Variants in DIP2B observed in about 807,000 individuals in gnomAD.
DIP2B encodes the protein disco-interacting protein 2 homolog B.
Under a neutral mutation model 198.0 loss-of-function variants are expected in DIP2B, and 76 were observed. That is an observed-to-expected ratio of 0.38 (90% CI 0.32 to 0.46). The LOEUF (loss-of-function observed/expected upper bound fraction) is 0.46. Among genes scored for constraint, DIP2B ranks in the 20% least tolerant of loss-of-function variants. DIP2B has a pLI of 0.99. For synonymous variants in DIP2B, 701 were observed against 739.1 expected, an observed-to-expected ratio of 0.95 and a Z score of 0.84; for missense variants, 1,559 against 1,978.4, an observed-to-expected ratio of 0.79 and a Z score of 4.02.
chr12:50,685,562 ACT>A (rs1939117402), intron 10 of DIP2B, among the ~76,000 whole-genome samples: 1 of 152,116 alleles, frequency 6.6e-6, no homozygotes, highest in Non-Finnish European at 1.5e-5. Flanking sequence ...ATCATTGCTG[ACT>A]CTTGAATAAA....
intron 3 of DIP2B, among the ~76,000 whole-genome samples, chr12:50,658,275 T>C (rs1437011641): frequency 6.6e-6 from 1 of 152,032 alleles, no homozygotes; most frequent in Non-Finnish European, 1.5e-5. Context: ...TAGCTGGAAT[T>C]ACAGGTGCGT....
chr12:50,607,856 C>A (rs184896158), intron 1 of DIP2B, among the ~76,000 whole-genome samples: 4 of 152,150 alleles, frequency 2.6e-5, no homozygotes, highest in African/African-American at 9.7e-5. Flanking sequence ...TGCAGTGGCA[C>A]GATCTCGGCT....
intron 1 of DIP2B, among the ~76,000 whole-genome samples, chr12:50,531,994 G>A (rs576574986): frequency 6.6e-5 from 10 of 152,202 alleles, no homozygotes; most frequent in Non-Finnish European, 1.3e-4. Context: ...GGAATTGAAA[G>A]TCTAGAGTAG....
chr12:50,678,742 A>G lies in DIP2B; in HGVS notation c.980A>G (p.Glu327Gly). ...EGRQMTPVKG[E>G]PLGVICNWPP... ...CGGCAGATGACCCCTGTGAAAGGAG[A>G]GCCTTTAGGAGTCATCTGTAACTGG... The change falls in exon 8 of 38, where the codon GAG becomes GGG. Residue 327 changes from glutamate (E) to glycine (G), a missense_variant. Coordinates refer to ENST00000301180, the MANE Select transcript of DIP2B (RefSeq NM_173602.3). 1 of 1,614,166 alleles carries G rather than the reference A, an allele frequency of 6.2e-7. No individual in the cohort carries two copies. Among genetic ancestry groups the G allele is most frequent in the South Asian group, 1.1e-5 (1 of 91,064 alleles).
chr12:50,610,517 T>A (rs997246238), intron 1 of DIP2B, among the ~76,000 whole-genome samples: 12 of 151,910 alleles, frequency 7.9e-5, no homozygotes, highest in African/African-American at 2.7e-4. Context: ...TATCTTTTTT[T>A]TTTTGGAGAC....
chr12:50,604,367 A>G (rs1958964468), intron 1 of DIP2B, among the ~76,000 whole-genome samples: 2 of 152,192 alleles, frequency 1.3e-5, no homozygotes, highest in African/African-American at 2.4e-5. Context: ...TATGCATTAC[A>G]TGCACTGTGT....
At chr12:50,728,755 G>T in intron 30 of DIP2B, 77 bp downstream of exon 30, 1 of 1,530,562 alleles carries the variant, frequency 6.5e-7, no homozygotes, top group Admixed American at 1.9e-5. Flanking sequence ...CCTTCCCTTT[G>T]CTCCCTTAAT....
Position 50,716,958 on chromosome 12 carries a change from C to CTTTTTTTTTTTTTTT in DIP2B, c.2852-1742_2852-1728dup, listed in dbSNP as rs4026694. On this transcript the variant is annotated intron_variant, in intron 23 of 37. Transcript: ENST00000301180. Reference sequence around the variant, plus strand: ...CCTATCCTAGATTTACGAATTGTTGCTTTTTTTTTTTTTTTTTTTTTTTGA... The same window carrying CTTTTTTTTTTTTTTT: ...CCTATCCTAGATTTACGAATTGTTGCTTTTTTTTTTTTTTTTTTTTTTTTTTTTTTTTTTTTTTGA... 1.3e-3 allele frequency among the ~76,000 whole-genome samples: 76 copies of CTTTTTTTTTTTTTTT among 58,934 alleles called. 19 individuals are homozygous for CTTTTTTTTTTTTTTT. Among genetic ancestry groups the CTTTTTTTTTTTTTTT allele is most frequent in the African/African-American group, 3.0e-3 (49 of 16,234 alleles). The allele number at this position is 58,934 out of a possible 152,430, so 38.7% of individuals were successfully genotyped here.
intron 2 of DIP2B, among the ~76,000 whole-genome samples, chr12:50,636,658 CTG>C (rs1156815163): frequency 2.0e-5 from 3 of 152,220 alleles, no homozygotes; most frequent in Non-Finnish European, 4.4e-5. Flanking sequence ...CTGGTCCTCA[CTG>C]TGTGACCAGC....
At chr12:50,741,304 G>T in intron 36 of DIP2B, 112 bp from the exon 37 acceptor site, 1 of 1,336,608 alleles carries the variant, frequency 7.5e-7, no homozygotes, top group Non-Finnish European at 1.0e-6. Flanking sequence ...TTACACAGTT[G>T]GTAGGGGCAG....
intron 1 of DIP2B, among the ~76,000 whole-genome samples, chr12:50,518,419 T>C (rs1039454844): frequency 6.6e-6 from 1 of 152,120 alleles, no homozygotes; most frequent in Admixed American, 6.6e-5. Flanking sequence ...AGATGGACTT[T>C]CACCATGTTG....
At chr12:50,674,344 A>G (rs772213646) in intron 5 of DIP2B, 130 bp from the exon 6 acceptor site, 20 of 923,370 alleles carry the variant, frequency 2.2e-5, no homozygotes, top group African/African-American at 6.7e-5. Flanking sequence ...TGATTTTTAA[A>G]TGTTGTTTTA....
intron 22 of DIP2B, among the ~76,000 whole-genome samples, chr12:50,712,999 T>C (rs1939647287): frequency 6.6e-6 from 1 of 152,218 alleles, no homozygotes; most frequent in Non-Finnish European, 1.5e-5. Flanking sequence ...ATGTATTCCT[T>C]TGATGTAGAG....
At chr12:50,601,633 C>T (rs984337575) in intron 1 of DIP2B, among the ~76,000 whole-genome samples, 30 of 152,090 alleles carry the variant, frequency 2.0e-4, no homozygotes, top group African/African-American at 6.0e-4. Flanking sequence ...CCACCGCGCC[C>T]GGCAGCTTTT....
intron 1 of DIP2B, among the ~76,000 whole-genome samples, chr12:50,546,016 C>A (rs1958374651): frequency 6.6e-6 from 1 of 152,202 alleles, no homozygotes; most frequent in Non-Finnish European, 1.5e-5. Context: ...ACAGTTCTTT[C>A]TGTGGAAATG....
chr12:50,548,357 C>T (rs955828552), intron 1 of DIP2B, among the ~76,000 whole-genome samples: 12 of 152,046 alleles, frequency 7.9e-5, no homozygotes, highest in East Asian at 1.9e-4. Flanking sequence ...CTTTTAACAA[C>T]GATGTCCTTT....
intron 25 of DIP2B, among the ~76,000 whole-genome samples, chr12:50,720,338 C>T: frequency 6.6e-6 from 1 of 152,074 alleles, no homozygotes; most frequent in South Asian, 2.1e-4. Context: ...AGTATTTCTC[C>T]CCAGCAGGGG....
chr12:50,677,928 C>T (rs1397109896), intron 7 of DIP2B, among the ~76,000 whole-genome samples: 1 of 151,546 alleles, frequency 6.6e-6, no homozygotes, highest in Non-Finnish European at 1.5e-5. Context: ...TAAAAGAAGT[C>T]CTTAGGATGC....
At chr12:50,629,269 C>G (rs1173201407) in intron 2 of DIP2B, among the ~76,000 whole-genome samples, 1 of 152,140 alleles carries the variant, frequency 6.6e-6, no homozygotes, top group Non-Finnish European at 1.5e-5. Context: ...TTAGATTTCT[C>G]AAGTTAAGGA....
Sources: allele counts gnomAD v4.1 joint callset (sites outside exome capture counted in the v4.1 genomes callset), GRCh38; gene constraint gnomAD v4.1.1; transcripts MANE v1.5; gene names NCBI Gene and HGNC (gene_info 2026-07-23, HGNC 2026-07-21).